The following MACROD2 variants were observed in gnomAD, a reference collection of about 807,000 sequenced individuals.
MACROD2 encodes mono-ADP ribosylhydrolase 2.
MACROD2 carries 36 observed loss-of-function variants against 70.4 expected under a neutral mutation model. The ratio of observed to expected loss-of-function variants is 0.51; its 90% CI spans 0.39 to 0.68. MACROD2 has a LOEUF of 0.68. MACROD2 is among the 30% of genes least tolerant of loss of function. MACROD2 has a pLI of 0.00. For synonymous variants in MACROD2, 172 were observed against 178.8 expected, an observed-to-expected ratio of 0.96 and a Z score of 0.30; for missense variants, 496 against 538.4, an observed-to-expected ratio of 0.92 and a Z score of 0.78.
At chr20:15,967,445 G>T in intron 12 of MACROD2, 108 bp from the exon 13 acceptor site, 3 of 918,748 alleles carry the variant, frequency 3.3e-6, no homozygotes, top group Non-Finnish European at 1.6e-6. Flanking sequence ...TTTTTAAAAC[G>T]AATAAATTCT....
At chr20:14,688,213 G>A (rs1416522898) in intron 5 of MACROD2, among the ~76,000 whole-genome samples, 1 of 152,072 alleles carries the variant, frequency 6.6e-6, no homozygotes, top group South Asian at 2.1e-4. Context: ...CATTATAGGG[G>A]TACTAAAGCC....
intron 5 of MACROD2, among the ~76,000 whole-genome samples, chr20:14,869,602 G>C (rs998053586): frequency 6.6e-6 from 1 of 152,230 alleles, no homozygotes; most frequent in Non-Finnish European, 1.5e-5. Flanking sequence ...AAATCTTCTT[G>C]TTGATGAAAT....
At chr20:15,201,023 C>G (rs912833881) in intron 5 of MACROD2, among the ~76,000 whole-genome samples, 6 of 151,978 alleles carry the variant, frequency 3.9e-5, no homozygotes, top group Non-Finnish European at 8.8e-5. Context: ...GGGTGGGGCC[C>G]CAAGATTTCG....
chr20:14,790,613 T>C (rs1201291618), intron 5 of MACROD2, among the ~76,000 whole-genome samples: 2 of 152,052 alleles, frequency 1.3e-5, no homozygotes, highest in Admixed American at 1.3e-4. Flanking sequence ...CTAGACATAA[T>C]TGTATGTGTT....
At chr20:15,032,008 G>A (rs1283741660) in intron 5 of MACROD2, among the ~76,000 whole-genome samples, 1 of 152,212 alleles carries the variant, frequency 6.6e-6, no homozygotes, top group Non-Finnish European at 1.5e-5. Context: ...AGTACCCAAA[G>A]TCCGGAGGGG....
intron 3 of MACROD2, among the ~76,000 whole-genome samples, chr20:14,203,330 G>C (rs952873000): frequency 6.6e-6 from 1 of 151,894 alleles, no homozygotes; most frequent in African/African-American, 2.4e-5. Context: ...GTGTTCTCTT[G>C]TATCTGAGTT....
intron 3 of MACROD2, among the ~76,000 whole-genome samples, chr20:14,188,163 C>A (rs2081359431): frequency 6.6e-6 from 1 of 152,100 alleles, no homozygotes; most frequent in African/African-American, 2.4e-5. Flanking sequence ...GCGTTGAAAT[C>A]ACTTGTGATA....
chr20:14,440,629 A>G (rs1452697584), intron 3 of MACROD2, among the ~76,000 whole-genome samples: 1 of 152,222 alleles, frequency 6.6e-6, no homozygotes, highest in Non-Finnish European at 1.5e-5. Context: ...AGACGTCTGT[A>G]GAAGAGTCAA....
At chr20:14,883,797 T>C (rs2073638705) in intron 5 of MACROD2, among the ~76,000 whole-genome samples, 2 of 152,190 alleles carry the variant, frequency 1.3e-5, no homozygotes, top group Non-Finnish European at 2.9e-5. Flanking sequence ...TGTCTTCTTT[T>C]GTTCACTTAC....
At chr20:14,149,220 T>C (rs1351905290) in intron 3 of MACROD2, among the ~76,000 whole-genome samples, 1 of 151,978 alleles carries the variant, frequency 6.6e-6, no homozygotes, top group African/African-American at 2.4e-5. Flanking sequence ...ACCCAATGTT[T>C]AGCTCCCACT....
intron 15 of MACROD2, among the ~76,000 whole-genome samples, chr20:16,026,982 C>T (rs1426029231): frequency 6.6e-6 from 1 of 152,136 alleles, no homozygotes; most frequent in Admixed American, 6.5e-5. Context: ...GTAATTAACT[C>T]TCAGAAGGCA....
At chr20:14,874,953 C>T (rs1600754985) in intron 5 of MACROD2, among the ~76,000 whole-genome samples, 1 of 151,882 alleles carries the variant, frequency 6.6e-6, no homozygotes, top group East Asian at 2.0e-4. Flanking sequence ...GATCTGCCTG[C>T]CTTGGCCTCC....
At chr20:14,978,884 AATATATATATTATATAATAT>A (rs869274915) in intron 5 of MACROD2, among the ~76,000 whole-genome samples, 3 of 11,828 alleles carry the variant, frequency 2.5e-4, no homozygotes, top group Admixed American at 2.3e-3. Context: ...TAATATATAA[AATATATATATTATATAATAT>A]ATTATATATA....
At chr20:14,287,534 TA>T (rs1210596975) in intron 3 of MACROD2, among the ~76,000 whole-genome samples, 1 of 152,204 alleles carries the variant, frequency 6.6e-6, no homozygotes, top group East Asian at 1.9e-4. Flanking sequence ...TTAATATTAA[TA>T]AACTAGTTTT....
chr20:14,659,144 A>G (rs1258744907), intron 4 of MACROD2, among the ~76,000 whole-genome samples: 1 of 152,150 alleles, frequency 6.6e-6, no homozygotes, highest in African/African-American at 2.4e-5. Flanking sequence ...TACAATAACT[A>G]GCCTTTTTCA....
At chr20:15,053,709 G>A (rs936539995) in intron 5 of MACROD2, among the ~76,000 whole-genome samples, 3 of 152,172 alleles carry the variant, frequency 2.0e-5, no homozygotes, top group African/African-American at 7.2e-5. Flanking sequence ...TATGGATCAA[G>A]GAGTAAGTAT....
At chr20:15,838,779 A>T (rs142851755) in intron 8 of MACROD2, among the ~76,000 whole-genome samples, 1 of 152,308 alleles carries the variant, frequency 6.6e-6, no homozygotes, top group East Asian at 1.9e-4. Flanking sequence ...GACAGACTGA[A>T]CCTTTTAAAT....
At chr20:14,846,452 A>G (rs945314396) in intron 5 of MACROD2, among the ~76,000 whole-genome samples, 1 of 149,182 alleles carries the variant, frequency 6.7e-6, no homozygotes. Context: ...AGTTTTTTCG[A>G]AAACTAAATA....
chr20:14,000,000 A>C (rs1483351306), intron 1 of MACROD2, among the ~76,000 whole-genome samples: 3 of 152,156 alleles, frequency 2.0e-5, no homozygotes, highest in Non-Finnish European at 4.4e-5. Context: ...GTGACAGAGC[A>C]AGACTCTGTC....
Sources: gnomAD v4.1 joint callset for allele counts (sites outside exome capture counted in the v4.1 genomes callset) on GRCh38, gnomAD v4.1.1 for gene constraint, MANE v1.5 for transcripts, NCBI Gene and HGNC (gene_info 2026-07-23, HGNC 2026-07-21) for gene names.